Variants in JMJD1C observed in about 807,000 individuals in gnomAD.
JMJD1C encodes jumonji domain containing 1C, also known as jumonji domain-containing protein 1C.
A neutral mutation model predicts 245.3 loss-of-function variants in JMJD1C; 31 were observed. The observed-to-expected ratio is 0.13, with a 90% confidence interval of 0.09 to 0.17. JMJD1C has a LOEUF of 0.17. Among genes scored for constraint, JMJD1C ranks in the 10% least tolerant of loss-of-function variants. JMJD1C has a pLI of 1.00. For synonymous variants in JMJD1C, 1,057 were observed against 1,017.4 expected (o/e 1.04, Z -0.74); for missense variants, 2,691 against 3,000.2 (o/e 0.90, Z 2.41).
chr10:63,409,158 T>A (rs1159189336), intron 1 of JMJD1C, among the ~76,000 whole-genome samples: 1 of 152,250 alleles, frequency 6.6e-6, no homozygotes, highest in Non-Finnish European at 1.5e-5. Flanking sequence ...AAATTACTAA[T>A]GTTTAATAAG....
chr10:63,209,325 T>C, intron 8 of JMJD1C, 90 bp from the exon 9 acceptor site: 1 of 1,053,712 alleles, frequency 9.5e-7, no homozygotes, highest in Non-Finnish European at 1.3e-6. Flanking sequence ...GGTATGATCT[T>C]GGTGGTTTAT....
intron 17 of JMJD1C, among the ~76,000 whole-genome samples, chr10:63,189,669 T>TA (rs1345613470): frequency 6.6e-6 from 1 of 152,188 alleles, no homozygotes; most frequent in African/African-American, 2.4e-5. Flanking sequence ...TCCTGTCTTT[T>TA]ACATTGTTAT....
chr10:63,507,938 A>G (rs538684911), intron 1 of JMJD1C, among the ~76,000 whole-genome samples: 1 of 152,230 alleles, frequency 6.6e-6, no homozygotes, highest in East Asian at 1.9e-4. Flanking sequence ...CTTACTGTTG[A>G]CGTTGAAGAA....
At chr10:63,335,764 G>A (rs1198524284) in intron 2 of JMJD1C, among the ~76,000 whole-genome samples, 1 of 152,046 alleles carries the variant, frequency 6.6e-6, no homozygotes, top group Non-Finnish European at 1.5e-5. Context: ...GCCTGCCTCG[G>A]CCTCCCGAAG....
At chr10:63,328,414 A>G (rs970050072) in intron 2 of JMJD1C, among the ~76,000 whole-genome samples, 2 of 152,244 alleles carry the variant, frequency 1.3e-5, no homozygotes, top group African/African-American at 4.8e-5. Flanking sequence ...TATACTTAAA[A>G]AAGAGCTCCC....
At chr10:63,237,805 T>G (rs532041846) in intron 3 of JMJD1C, among the ~76,000 whole-genome samples, 1 of 150,960 alleles carries the variant, frequency 6.6e-6, no homozygotes, top group East Asian at 1.9e-4. Context: ...GATTCTGGGG[T>G]TTTTCAGATT....
chr10:63,330,691 A>G (rs1011219048), intron 2 of JMJD1C, among the ~76,000 whole-genome samples: 8 of 152,078 alleles, frequency 5.3e-5, no homozygotes, highest in African/African-American at 1.9e-4. Context: ...TTTGTTCTGA[A>G]GATACTTCTA....
intron 3 of JMJD1C, among the ~76,000 whole-genome samples, chr10:63,250,392 G>A (rs1852897504): frequency 6.6e-6 from 1 of 152,104 alleles, no homozygotes; most frequent in African/African-American, 2.4e-5. Context: ...AGATACCTTG[G>A]AAGTGATCAA....
At chr10:63,382,826 T>C (rs1425999431) in intron 1 of JMJD1C, 3 of 455,946 alleles carry the variant, frequency 6.6e-6, no homozygotes, top group Admixed American at 4.7e-5. Flanking sequence ...TTTCCACTTA[T>C]TTGAATCATG....
chr10:63,398,815 T>C (rs537937723), intron 1 of JMJD1C, among the ~76,000 whole-genome samples: 1 of 152,248 alleles, frequency 6.6e-6, no homozygotes, highest in African/African-American at 2.4e-5. Flanking sequence ...CAGCTAATTT[T>C]TGTATTTTTA....
At chr10:63,501,243 T>A (rs188654246) in intron 1 of JMJD1C, among the ~76,000 whole-genome samples, 1 of 152,354 alleles carries the variant, frequency 6.6e-6, no homozygotes, top group Admixed American at 6.5e-5. Flanking sequence ...TTTAGTTATA[T>A]GAATTTTAAA....
chr10:63,200,010 A>G (rs931125773), intron 11 of JMJD1C, among the ~76,000 whole-genome samples: 7 of 152,302 alleles, frequency 4.6e-5, no homozygotes, highest in Middle Eastern at 3.4e-3. Flanking sequence ...AAACTCACAC[A>G]GGAACTAAGA....
In JMJD1C at chr10:63,422,757, A is replaced by T. The variant is rs568716033; in HGVS notation, c.169-42275T>A. 4.6e-5 allele frequency among the ~76,000 whole-genome samples: 7 copies of T among 152,334 alleles called. No individual in the cohort carries two copies. The East Asian group carries it at 1.4e-3, about 29-fold the overall frequency. ...GAAAGTTTAAATCATGGGCACAGAA[A>T]ATATTCAAATGGATGATATAGCCTT... On this transcript the variant is annotated intron_variant, in intron 1 of 25. Coordinates refer to ENST00000399262, the MANE Select transcript of JMJD1C (RefSeq NM_032776.3).
Position 63,465,925 on chromosome 10 carries a change from C to G in JMJD1C, c.-263G>C, listed in dbSNP as rs945601363. ...AAACTGAAACAAAACCCAACGCGGC[C>G]GTCGAAGACCCCGAGGCAGCCCAGC... On this transcript the variant is annotated 5_prime_UTR_variant, in exon 1 of 26. Coordinates refer to ENST00000399262, the MANE Select transcript of JMJD1C (RefSeq NM_032776.3). The G allele has an allele frequency of 7.4e-5, 44 of 596,640 alleles. No homozygotes were observed. The African/African-American group carries it at 7.9e-4, about 11-fold the overall frequency. The allele number at this position is 596,640 out of a possible 1,614,324, so 37.0% of individuals were successfully genotyped here.
At chr10:63,451,797 C>T (rs1043690305) in intron 1 of JMJD1C, among the ~76,000 whole-genome samples, 3 of 152,010 alleles carry the variant, frequency 2.0e-5, no homozygotes, top group East Asian at 1.9e-4. Flanking sequence ...GCATATATGG[C>T]CAAATAATTT....
intron 2 of JMJD1C, among the ~76,000 whole-genome samples, chr10:63,339,025 A>C (rs1360866330): frequency 6.6e-6 from 1 of 152,186 alleles, no homozygotes; most frequent in Admixed American, 6.5e-5. Context: ...GAATGAGCAA[A>C]TATGTTTTCT....
chr10:63,252,981 A>G (rs1011480866), intron 3 of JMJD1C, among the ~76,000 whole-genome samples: 3 of 152,208 alleles, frequency 2.0e-5, no homozygotes. Context: ...TCTTAAAAAC[A>G]TATGTTTCCT....
intron 1 of JMJD1C, among the ~76,000 whole-genome samples, chr10:63,461,480 C>G (rs1318059496): frequency 6.6e-6 from 1 of 151,592 alleles, no homozygotes; most frequent in Non-Finnish European, 1.5e-5. Context: ...AATGTGTAGA[C>G]CCAAAAACAA....
chr10:63,232,359 A>G (rs997732108), intron 3 of JMJD1C, among the ~76,000 whole-genome samples: 11 of 152,070 alleles, frequency 7.2e-5, no homozygotes, highest in African/African-American at 2.7e-4. Context: ...TGAATGTTAA[A>G]AATTTTTTAA....
Sources: allele counts gnomAD v4.1 joint callset (sites outside exome capture counted in the v4.1 genomes callset), GRCh38; gene constraint gnomAD v4.1.1; transcripts MANE v1.5; gene names NCBI Gene and HGNC (gene_info 2026-07-23, HGNC 2026-07-21).